SEMA5A: variants seen among roughly 807,000 people sequenced by gnomAD.
SEMA5A encodes the protein semaphorin-5A.
In SEMA5A, 55 loss-of-function variants were observed where a neutral mutation model predicts 135.5. The observed-to-expected ratio is 0.41, with a 90% confidence interval of 0.33 to 0.51. SEMA5A has a LOEUF of 0.51. SEMA5A is among the 20% of genes least tolerant of loss of function. The pLI is 0.37. For missense variants in SEMA5A, 1,290 were observed against 1,419.9 expected (o/e 0.91, Z 1.47); for synonymous variants, 580 against 546.5 (o/e 1.06, Z -0.85).
rs1222610218 is a variant in SEMA5A, at chr5:9,039,362, G to C, written c.*3535C>G. 2 of 152,200 alleles carry C rather than the reference G, an allele frequency of 1.3e-5. No individual in the cohort carries two copies. The highest frequency in any genetic ancestry group is 3.1e-3 in the Middle Eastern group (1 of 318). 9.4% of individuals were successfully genotyped at this position (152,200 alleles called of 1,614,324 possible). On this transcript the variant is annotated 3_prime_UTR_variant, in exon 23 of 23. Coordinates refer to ENST00000382496, the MANE Select transcript of SEMA5A (RefSeq NM_003966.3). ...ATTTGCCATCACCTGTGACCCGATG[G>C]GGCCAGACCCCTGGTTCATCCCAAA...
rs546776364 is a variant in SEMA5A at position 9,295,175 on chromosome 5, G to A, written c.270+23197C>T. On this transcript the variant is annotated intron_variant, in intron 5 of 22. Transcript: ENST00000382496. ...GTTCATGTTCAAAGTAGGGATTCCC[G>A]CTACCCCAAATTCTTATTCAGTAAG... 5.9e-5 allele frequency among the ~76,000 whole-genome samples: 9 copies of A among 152,102 alleles called. No homozygotes were observed. In the East Asian group the frequency reaches 9.6e-4, roughly 16 times the overall value.
intron 5 of SEMA5A, among the ~76,000 whole-genome samples, chr5:9,282,942 A>T (rs188465321): frequency 3.5e-4 from 54 of 152,304 alleles, no homozygotes; most frequent in African/African-American, 1.3e-3. Context: ...AAGCTGGAAA[A>T]GGCAAGGAAC....
chr5:9,248,791 AGAAAAAG>A (rs1454831272), intron 5 of SEMA5A, among the ~76,000 whole-genome samples: 2 of 152,144 alleles, frequency 1.3e-5, no homozygotes, highest in African/African-American at 4.8e-5. Context: ...AAGCCAAAAG[AGAAAAAG>A]AACAAATTAT....
At chr5:9,503,004 T>A (rs1735674456) in intron 1 of SEMA5A, among the ~76,000 whole-genome samples, 1 of 152,222 alleles carries the variant, frequency 6.6e-6, no homozygotes, top group Non-Finnish European at 1.5e-5. Context: ...GGCATTTTCT[T>A]GATCATTTTG....
At chr5:9,268,580 G>C (rs898712327) in intron 5 of SEMA5A, among the ~76,000 whole-genome samples, 3 of 152,262 alleles carry the variant, frequency 2.0e-5, no homozygotes, top group African/African-American at 4.8e-5. Context: ...AACTAAAAAT[G>C]CCATCTTAAT....
chr5:9,539,709 T>C (rs1737972870), intron 1 of SEMA5A, among the ~76,000 whole-genome samples: 1 of 152,220 alleles, frequency 6.6e-6, no homozygotes, highest in Non-Finnish European at 1.5e-5. Context: ...TAGGGTCATG[T>C]CGGTGCTCAG....
chr5:9,076,686 G>A (rs1039020370), intron 16 of SEMA5A, among the ~76,000 whole-genome samples: 9 of 152,068 alleles, frequency 5.9e-5, no homozygotes, highest in Admixed American at 3.3e-4. Context: ...TAAAATCATC[G>A]TAATTTTTTT....
At chr5:9,268,944 A>T (rs1293929116) in intron 5 of SEMA5A, among the ~76,000 whole-genome samples, 1 of 152,136 alleles carries the variant, frequency 6.6e-6, no homozygotes, top group Non-Finnish European at 1.5e-5. Context: ...GACAATTTCC[A>T]GATCAAGAGC....
intron 1 of SEMA5A, among the ~76,000 whole-genome samples, chr5:9,445,014 C>T (rs1016540924): frequency 6.6e-6 from 1 of 152,168 alleles, no homozygotes; most frequent in African/African-American, 2.4e-5. Flanking sequence ...AAAATAAATG[C>T]ACAGAGAAAG....
intron 15 of SEMA5A, among the ~76,000 whole-genome samples, chr5:9,113,653 A>G (rs1740362005): frequency 6.6e-6 from 1 of 152,232 alleles, no homozygotes; most frequent in South Asian, 2.1e-4. Context: ...TTGAATAGAC[A>G]TTTCTATAAA....
chr5:9,177,330 T>A (rs1336472472), intron 11 of SEMA5A, among the ~76,000 whole-genome samples: 1 of 152,200 alleles, frequency 6.6e-6, no homozygotes. Flanking sequence ...AGATGAGTGC[T>A]TTAAATGATG....
chr5:9,154,446 TCACA>T, intron 12 of SEMA5A, 38 bp downstream of exon 12: 1 of 1,595,110 alleles, frequency 6.3e-7, no homozygotes. Flanking sequence ...GGTGGGCCCT[TCACA>T]CACACACCAG....
chr5:9,446,008 CTG>C (rs1404973390), intron 1 of SEMA5A, among the ~76,000 whole-genome samples: 1 of 152,178 alleles, frequency 6.6e-6, no homozygotes, highest in East Asian at 1.9e-4. Flanking sequence ...ACAGTAGTCA[CTG>C]TGAATGGAAT....
chr5:9,215,884 AT>A (rs533347348), intron 8 of SEMA5A, among the ~76,000 whole-genome samples: 76 of 150,694 alleles, frequency 5.0e-4, no homozygotes, highest in African/African-American at 1.7e-3. Context: ...TTATGTCTTG[AT>A]TTCCTTCAGT....
At chr5:9,205,244 G>C (rs1006895519) in intron 8 of SEMA5A, among the ~76,000 whole-genome samples, 1 of 152,110 alleles carries the variant, frequency 6.6e-6, no homozygotes, top group African/African-American at 2.4e-5. Flanking sequence ...TCTAAGGGGG[G>C]TTTCAGAACC....
chr5:9,378,368 C>T (rs137952933), intron 3 of SEMA5A, among the ~76,000 whole-genome samples: 119 of 152,206 alleles, frequency 7.8e-4, no homozygotes, highest in African/African-American at 2.8e-3. Context: ...GAGAAAATCC[C>T]AGTTTTGTAC....
chr5:9,477,576 C>A (rs1187788296), intron 1 of SEMA5A, among the ~76,000 whole-genome samples: 1 of 152,178 alleles, frequency 6.6e-6, no homozygotes, highest in Non-Finnish European at 1.5e-5. Context: ...TCTTGCTATG[C>A]TTTAGCAAAG....
In SEMA5A at chr5:9,295,689, C is replaced by T. The variant is rs144320523; in HGVS notation, c.270+22683G>A. ...TTGATGCTGACCTGATTTCCTCATG[C>T]AAAATCAGGATAAAGATGATACCTA... On this transcript the variant is annotated intron_variant, in intron 5 of 22. Coordinates refer to ENST00000382496, the MANE Select transcript of SEMA5A (RefSeq NM_003966.3). 3.7e-3 allele frequency among the ~76,000 whole-genome samples: 557 copies of T among 151,996 alleles called. 2 individuals are homozygous for T. Among genetic ancestry groups the T allele is most frequent in the Admixed American group, 7.3e-3 (111 of 15,270 alleles).
intron 21 of SEMA5A, among the ~76,000 whole-genome samples, chr5:9,048,867 T>C (rs1239500152): frequency 6.6e-6 from 1 of 152,210 alleles, no homozygotes; most frequent in Non-Finnish European, 1.5e-5. Flanking sequence ...ATATTCATCT[T>C]GTAGTTGGAT....
Sources: allele counts gnomAD v4.1 joint callset (sites outside exome capture counted in the v4.1 genomes callset), GRCh38; gene constraint gnomAD v4.1.1; transcripts MANE v1.5; gene names NCBI Gene and HGNC (gene_info 2026-07-23, HGNC 2026-07-21).